The following CADPS variants were observed in gnomAD, a reference collection of about 807,000 sequenced individuals.
The protein encoded by CADPS is calcium-dependent secretion activator 1.
Under a neutral mutation model 167.3 loss-of-function variants are expected in CADPS, and 57 were observed. The observed-to-expected ratio is 0.34, with a 90% CI of 0.28 to 0.42. The LOEUF (loss-of-function observed/expected upper bound fraction) is 0.42, where lower values mean the gene tolerates loss of function less well. Ranked by LOEUF, CADPS falls within the 20% of genes least tolerant of loss-of-function variation. CADPS has a pLI of 1.00. For synonymous variants in CADPS, 676 were observed against 635.3 expected, an observed-to-expected ratio of 1.06 and a Z score of -0.96; for missense variants, 1,414 against 1,738.1, an observed-to-expected ratio of 0.81 and a Z score of 3.32.
intron 3 of CADPS, among the ~76,000 whole-genome samples, chr3:62,663,611 C>CAAAAA (rs34328613): frequency 1.7e-5 from 2 of 120,222 alleles, no homozygotes; most frequent in Non-Finnish European, 3.4e-5. Flanking sequence ...TCCCTGCCTC[C>CAAAAA]AAAAAAAAAA....
At chr3:62,506,011 T>C (rs2066614423) in intron 17 of CADPS, among the ~76,000 whole-genome samples, 1 of 152,206 alleles carries the variant, frequency 6.6e-6, no homozygotes. Flanking sequence ...TTAACAAATG[T>C]ACTAGGCTGA....
In CADPS at chr3:62,514,641, T is replaced by C. The variant is rs1021419418; in HGVS notation, c.2581+1418A>G. ...ATCTTAAAGTTTGTTTTTGGATAGA[T>C]TTATCTGAAAGAAGAGAGCAGATCT... is the stretch of plus-strand genomic sequence containing the variant. On this transcript the variant is annotated intron_variant, in intron 16 of 29. Coordinates refer to ENST00000383710, the MANE Select transcript of CADPS (RefSeq NM_003716.4). This position sits in a 1 kb window ranked among gnomAD's most constrained non-coding sequence, Gnocchi z 4.2. Among the ~76,000 whole-genome samples, 1 of 152,124 alleles carries C rather than the reference T, an allele frequency of 6.6e-6. No individual in the cohort carries two copies. The highest frequency in any genetic ancestry group is 2.4e-5 in the African/African-American group (1 of 41,426).
intron 7 of CADPS, among the ~76,000 whole-genome samples, chr3:62,588,714 C>A (rs2085232808): frequency 6.6e-6 from 1 of 152,118 alleles, no homozygotes; most frequent in Non-Finnish European, 1.5e-5. Context: ...AAAAATTCAT[C>A]CATAGAGGAT....
chr3:62,563,974 G>C (rs1015464306), intron 9 of CADPS, among the ~76,000 whole-genome samples: 23 of 152,182 alleles, frequency 1.5e-4, no homozygotes, highest in Middle Eastern at 3.4e-3. Context: ...AGGAGTTATT[G>C]AAGGCACTTG....
intron 3 of CADPS, among the ~76,000 whole-genome samples, chr3:62,719,860 G>A (rs367611287): frequency 6.6e-6 from 1 of 152,156 alleles, no homozygotes; most frequent in Non-Finnish European, 1.5e-5. Context: ...GGGGTTACAC[G>A]ACTACTTCTG....
chr3:62,533,175 T>A, intron 12 of CADPS, 117 bp from the exon 13 acceptor site: 1 of 807,400 alleles, frequency 1.2e-6, no homozygotes, highest in Non-Finnish European at 2.0e-6. Flanking sequence ...TAACACTCCT[T>A]GATTGCCTAT....
At chr3:62,486,262 C>T (rs1042789461) in intron 21 of CADPS, among the ~76,000 whole-genome samples, 24 of 152,056 alleles carry the variant, frequency 1.6e-4, no homozygotes, top group East Asian at 7.8e-4. Flanking sequence ...CTGGCTAACA[C>T]GGTGAAACCC....
At chr3:62,681,304 C>A (rs189267423) in intron 3 of CADPS, among the ~76,000 whole-genome samples, 12 of 152,184 alleles carry the variant, frequency 7.9e-5, no homozygotes, top group African/African-American at 2.9e-4. Context: ...CATCACAGAA[C>A]CCAGGTTAGT....
At chr3:62,541,521 T>A (rs1289233351) in intron 11 of CADPS, among the ~76,000 whole-genome samples, 2 of 152,160 alleles carry the variant, frequency 1.3e-5, no homozygotes, top group Non-Finnish European at 2.9e-5. Context: ...TTGATGAACA[T>A]ACAGACTTAC....
At position 62,518,256 on chromosome 3, in the gene CADPS, A is replaced by G; in HGVS notation, c.2292-6T>C. ...CAGTTCCAATTCCATCAGGCCTGAA[A>G]GAAGACATGTCATGAAATGACGGGA... On this transcript the variant is annotated splice_polypyrimidine_tract_variant and splice_region_variant and intron_variant, in intron 13 of 29. Transcript: ENST00000383710. 1 of 1,604,154 alleles carries G rather than the reference A, an allele frequency of 6.2e-7. No individual in the cohort carries two copies. The highest frequency in any genetic ancestry group is 8.5e-7 in the Non-Finnish European group (1 of 1,172,726).
intron 3 of CADPS, among the ~76,000 whole-genome samples, chr3:62,694,581 A>C (rs1407758291): frequency 6.6e-6 from 1 of 152,044 alleles, no homozygotes; most frequent in East Asian, 1.9e-4. Flanking sequence ...TCTGGAAATG[A>C]ATTTGCCTTC....
At chr3:62,727,612 T>C (rs2076983643) in intron 3 of CADPS, among the ~76,000 whole-genome samples, 1 of 151,856 alleles carries the variant, frequency 6.6e-6, no homozygotes, top group South Asian at 2.1e-4. Context: ...TGCGGAGATG[T>C]AGGGCTTTTC....
At position 62,478,536 on chromosome 3, in the gene CADPS, G is replaced by A. The variant is rs2061593450; in HGVS notation, c.3174-120C>T. 2 of 881,634 alleles carry A rather than the reference G, an allele frequency of 2.3e-6. No individual in the cohort carries two copies. Among genetic ancestry groups the A allele is most frequent in the Non-Finnish European group, 3.5e-6 (2 of 579,170 alleles). The allele number at this position is 881,634 out of a possible 1,614,324, so 54.6% of individuals were successfully genotyped here. On this transcript the variant is annotated intron_variant, in intron 22 of 29. Coordinates refer to ENST00000383710, the MANE Select transcript of CADPS (RefSeq NM_003716.4). This position sits in a 1 kb window ranked among gnomAD's most constrained non-coding sequence, Gnocchi z 5.7. ...GCAGCTTCAACATACAAAACAACGT[G>A]TGTTGGCGGTGGAGGCGGGGGCGAG...
chr3:62,863,698 G>A (rs1461830003), intron 1 of CADPS, among the ~76,000 whole-genome samples: 1 of 152,166 alleles, frequency 6.6e-6, no homozygotes, highest in Non-Finnish European at 1.5e-5. Context: ...TCCTGTGCAG[G>A]CAACAGAAAG....
intron 28 of CADPS, among the ~76,000 whole-genome samples, chr3:62,431,291 C>T (rs1034336910): frequency 2.0e-5 from 3 of 152,148 alleles, no homozygotes; most frequent in African/African-American, 7.2e-5. Flanking sequence ...GATTTACCCA[C>T]CCAGCTCAGA....
chr3:62,562,297 G>A (rs995680422), intron 9 of CADPS, among the ~76,000 whole-genome samples: 1 of 152,140 alleles, frequency 6.6e-6, no homozygotes, highest in Non-Finnish European at 1.5e-5. Context: ...CCAGACTCCT[G>A]ATTGGCACTG....
At position 62,753,887 on chromosome 3, in the gene CADPS, T is replaced by C; in HGVS notation, c.556-114A>G. 1 of 980,658 alleles carries C rather than the reference T, an allele frequency of 1.0e-6. No homozygotes were observed. Among genetic ancestry groups the C allele is most frequent in the Non-Finnish European group, 1.5e-6 (1 of 668,042 alleles). The allele number at this position is 980,658 out of a possible 1,614,324, so 60.7% of individuals were successfully genotyped here. ...TCACGTGCATCCCAGGAGGAACCACTGTGGGTCTCACCCTGCCCCACCACC... is the reference window on the plus strand; with the variant it reads ...TCACGTGCATCCCAGGAGGAACCACCGTGGGTCTCACCCTGCCCCACCACC... On this transcript the variant is annotated intron_variant, in intron 2 of 29. Transcript: ENST00000383710. The surrounding 1 kb of genome is among the most constrained non-coding windows in gnomAD (Gnocchi z 4.6).
chr3:62,400,624 G>A lies in CADPS; in HGVS notation c.3883-1039C>T, dbSNP rs1394907225. Among the ~76,000 whole-genome samples, 19 of 138,234 alleles carry A rather than the reference G, an allele frequency of 1.4e-4. No homozygotes were observed. In the East Asian group the frequency reaches 3.6e-3, roughly 26 times the overall value. 90.7% of individuals were successfully genotyped at this position (138,234 alleles called of 152,430 possible). A position where few individuals can be genotyped will look rare whatever the true frequency, so the allele number is the denominator to read the frequency against. Reference sequence around the variant, plus strand: ...TTCTTTTTTTTTTTTTTTCAAGATGGCATCTTGCTCTGTCACCCAGGCTGG... The same window carrying A: ...TTCTTTTTTTTTTTTTTTCAAGATGACATCTTGCTCTGTCACCCAGGCTGG... On this transcript the variant is annotated intron_variant, in intron 29 of 29. Coordinates refer to ENST00000383710, the MANE Select transcript of CADPS (RefSeq NM_003716.4).
chr3:62,800,705 T>C (rs544257214), intron 1 of CADPS, among the ~76,000 whole-genome samples: 100 of 152,284 alleles, frequency 6.6e-4, no homozygotes, highest in East Asian at 2.3e-3. Context: ...GGTATGTATA[T>C]TGTAGTGCCA....
Sources: allele counts gnomAD v4.1 joint callset (sites outside exome capture counted in the v4.1 genomes callset), GRCh38; gene constraint gnomAD v4.1.1; non-coding constraint Gnocchi (gnomAD v3.1); transcripts MANE v1.5; gene names NCBI Gene and HGNC (gene_info 2026-07-23, HGNC 2026-07-21).